Variants in PPP1R1C observed in about 807,000 individuals in gnomAD.
PPP1R1C encodes the protein protein phosphatase 1 regulatory subunit 1C.
PPP1R1C carries 15 observed loss-of-function variants against 17.4 expected under a neutral mutation model. That is an observed-to-expected ratio of 0.86 (90% CI 0.58 to 1.33). The LOEUF (loss-of-function observed/expected upper bound fraction) is 1.33, where lower values mean the gene tolerates loss of function less well. Ranked by LOEUF, PPP1R1C falls within the 40% of genes most tolerant of loss-of-function variation. The pLI is 0.00. For missense variants in PPP1R1C, 143 were observed against 130.0 expected (o/e 1.10, Z -0.48); for synonymous variants, 35 against 43.1 (o/e 0.81, Z 0.73).
At chr2:181,983,412 A>G (rs1685228197), upstream of PPP1R1C, among the ~76,000 whole-genome samples, 1 of 152,208 alleles carries the variant, frequency 6.6e-6, no homozygotes, top group South Asian at 2.1e-4. Flanking sequence ...AAGCACTTAG[A>G]ATAATTCCTG....
At chr2:181,956,504 TC>T (rs1354437746) in intron 1 of PPP1R1C, among the ~76,000 whole-genome samples, 8 of 152,212 alleles carry the variant, frequency 5.3e-5, no homozygotes, top group Non-Finnish European at 1.2e-4. Flanking sequence ...TAATTTACAC[TC>T]CCACCAACAG....
chr2:181,999,820 A>T (rs1212781753), intron 2 of PPP1R1C, among the ~76,000 whole-genome samples: 1 of 152,032 alleles, frequency 6.6e-6, no homozygotes, highest in Non-Finnish European at 1.5e-5. Flanking sequence ...AGTAAATATC[A>T]TCCATTATTC....
intron 4 of PPP1R1C, among the ~76,000 whole-genome samples, chr2:182,090,385 G>A (rs193235093): frequency 2.0e-4 from 31 of 151,690 alleles, no homozygotes; most frequent in African/African-American, 6.8e-4. Flanking sequence ...TGTGTAGTTC[G>A]ATATGCTTTC....
At chr2:182,058,582 A>G (rs1249818964) in intron 2 of PPP1R1C, among the ~76,000 whole-genome samples, 4 of 152,160 alleles carry the variant, frequency 2.6e-5, no homozygotes, top group Non-Finnish European at 5.9e-5. Context: ...TCCTCAAAAC[A>G]AACTTATGAG....
At chr2:182,038,052 A>G (rs1248025578) in intron 2 of PPP1R1C, among the ~76,000 whole-genome samples, 1 of 151,910 alleles carries the variant, frequency 6.6e-6, no homozygotes, top group Non-Finnish European at 1.5e-5. Context: ...TTATATATAT[A>G]TTTGAGATAA....
intron 2 of PPP1R1C, among the ~76,000 whole-genome samples, chr2:182,050,909 T>C (rs754438654): frequency 2.0e-5 from 3 of 152,214 alleles, no homozygotes; most frequent in African/African-American, 4.8e-5. Flanking sequence ...TTCATCCAGA[T>C]TTTTATTACA....
At chr2:181,979,629 G>A (rs1685158677) in intron 2 of PPP1R1C, among the ~76,000 whole-genome samples, 1 of 152,114 alleles carries the variant, frequency 6.6e-6, no homozygotes, top group Non-Finnish European at 1.5e-5. Context: ...GGGGGTATCG[G>A]GGTATCTACT....
intron 5 of PPP1R1C, among the ~76,000 whole-genome samples, chr2:182,126,446 AAAATT>A (rs1689877532): frequency 6.6e-6 from 1 of 152,120 alleles, no homozygotes. Flanking sequence ...CTATGTTAAC[AAAATT>A]AAATTGTTAG....
At chr2:182,005,368 A>T (rs1044162528) in intron 2 of PPP1R1C, among the ~76,000 whole-genome samples, 5 of 152,228 alleles carry the variant, frequency 3.3e-5, no homozygotes, top group Non-Finnish European at 7.3e-5. Flanking sequence ...CAACTGCTCC[A>T]CATATAGGGG....
intron 2 of PPP1R1C, among the ~76,000 whole-genome samples, chr2:182,036,374 C>A (rs910990630): frequency 1.3e-5 from 2 of 152,072 alleles, no homozygotes; most frequent in Non-Finnish European, 2.9e-5. Context: ...TTAGCACAGT[C>A]CTGATACAAA....
chr2:182,095,437 G>C (rs761206140), intron 4 of PPP1R1C, among the ~76,000 whole-genome samples: 4 of 152,170 alleles, frequency 2.6e-5, no homozygotes, highest in Non-Finnish European at 4.4e-5. Flanking sequence ...AGAAGATGTA[G>C]CCATATGGTC....
At chr2:182,114,859 T>A (rs755233131) in intron 4 of PPP1R1C, among the ~76,000 whole-genome samples, 1 of 152,170 alleles carries the variant, frequency 6.6e-6, no homozygotes, top group South Asian at 2.1e-4. Flanking sequence ...ATTATTATTA[T>A]AAAATAAATT....
chr2:181,972,988 G>A (rs1291869017), intron 1 of PPP1R1C, among the ~76,000 whole-genome samples: 1 of 152,094 alleles, frequency 6.6e-6, no homozygotes, highest in African/African-American at 2.4e-5. Flanking sequence ...AGTATAATGA[G>A]TCATATGTTA....
chr2:182,125,606 C>A (rs1387788859), intron 5 of PPP1R1C, among the ~76,000 whole-genome samples: 3 of 152,082 alleles, frequency 2.0e-5, no homozygotes, highest in Admixed American at 2.0e-4. Context: ...GATTTGATTT[C>A]TTCCTAGTTT....
intron 1 of PPP1R1C, among the ~76,000 whole-genome samples, chr2:181,956,841 TGTAA>T (rs1376572284): frequency 6.6e-6 from 1 of 152,242 alleles, no homozygotes; most frequent in African/African-American, 2.4e-5. Flanking sequence ...TTTTAGATAC[TGTAA>T]GTAAATTGAA....
chr2:181,964,662 T>C (rs1684875179), intron 1 of PPP1R1C, among the ~76,000 whole-genome samples: 1 of 152,190 alleles, frequency 6.6e-6, no homozygotes, highest in Non-Finnish European at 1.5e-5. Flanking sequence ...AAAAGCCGTT[T>C]TAACTTGGGT....
chr2:182,022,813 A>G (rs1018730720), intron 2 of PPP1R1C, among the ~76,000 whole-genome samples: 2 of 152,214 alleles, frequency 1.3e-5, no homozygotes, highest in Non-Finnish European at 2.9e-5. Flanking sequence ...TGTTGCTAAC[A>G]GGTGGAGTGA....
At chr2:182,130,100 A>T (rs1002972926), downstream of PPP1R1C, 1 of 152,188 alleles carries the variant, frequency 6.6e-6, no homozygotes, top group Non-Finnish European at 1.5e-5. Flanking sequence ...TGACAATCTT[A>T]GGTATAACCT....
intron 4 of PPP1R1C, among the ~76,000 whole-genome samples, chr2:182,080,537 G>T (rs1045633848): frequency 1.3e-5 from 2 of 152,072 alleles, no homozygotes; most frequent in African/African-American, 4.8e-5. Context: ...GAGTAATACC[G>T]TAACACAATA....
Sources: allele counts gnomAD v4.1 joint callset (sites outside exome capture counted in the v4.1 genomes callset), GRCh38; gene constraint gnomAD v4.1.1; transcripts MANE v1.5; gene names NCBI Gene and HGNC (gene_info 2026-07-23, HGNC 2026-07-21).